Variants in PRKCZ observed in about 807,000 individuals in gnomAD.
PRKCZ encodes the protein protein kinase C zeta type.
Under a neutral mutation model 79.5 loss-of-function variants are expected in PRKCZ, and 33 were observed. That is an observed-to-expected ratio of 0.41 (90% CI 0.31 to 0.55). The LOEUF (loss-of-function observed/expected upper bound fraction) is 0.55. PRKCZ is among the 20% of genes least tolerant of loss of function. The probability of loss-of-function intolerance (pLI) is 0.19; values close to 1 mark genes in which losing one functional copy is unlikely to be tolerated. For missense variants in PRKCZ, 578 were observed against 813.5 expected, an observed-to-expected ratio of 0.71 and a Z score of 3.52; for synonymous variants, 342 against 320.9, an observed-to-expected ratio of 1.07 and a Z score of -0.70.
chr1:2,088,324 G>T (rs547634454), intron 4 of PRKCZ, among the ~76,000 whole-genome samples: 1 of 152,066 alleles, frequency 6.6e-6, no homozygotes, highest in East Asian at 1.9e-4. Flanking sequence ...CCCTCCCTCC[G>T]CCTCCCTGTT....
At chr1:2,067,708 C>T (rs757016004) in intron 4 of PRKCZ, among the ~76,000 whole-genome samples, 5 of 152,324 alleles carry the variant, frequency 3.3e-5, no homozygotes, top group African/African-American at 1.2e-4. Flanking sequence ...CTTCACTGTC[C>T]GTTCACTGCA....
At chr1:2,138,216 CT>C (rs1178611547) in intron 5 of PRKCZ, among the ~76,000 whole-genome samples, 2 of 152,210 alleles carry the variant, frequency 1.3e-5, no homozygotes, top group Non-Finnish European at 2.9e-5. Context: ...AGAAGAGAGA[CT>C]TTTCCGTCCT....
rs762300738 is a variant in PRKCZ, at chr1:2,082,269, G to A, written c.334+22678G>A. 1.4e-4 allele frequency: 58 copies of A among 417,798 alleles called. No homozygotes were observed. Among genetic ancestry groups the A allele is most frequent in the Non-Finnish European group, 1.9e-4 (39 of 208,430 alleles). 25.9% of individuals were successfully genotyped at this position (417,798 alleles called of 1,614,324 possible). On this transcript the variant is annotated intron_variant, in intron 4 of 17. Transcript: ENST00000378567. This position sits in a 1 kb window ranked among gnomAD's most constrained non-coding sequence, Gnocchi z 4.4. The stretch of plus-strand genomic sequence containing the variant: ...GTGTATTTGGCAAGAGGGAGGCTCC[G>A]TGGCACGATCACACGTGCAGGAGCT...
intron 10 of PRKCZ, among the ~76,000 whole-genome samples, chr1:2,164,014 A>G (rs1175470449): frequency 6.6e-6 from 1 of 152,218 alleles, no homozygotes; most frequent in Non-Finnish European, 1.5e-5. Flanking sequence ...GAATGGTGTC[A>G]TCGTAATGTA....
At chr1:2,079,245 TGTG>T (rs1336040972) in intron 4 of PRKCZ, among the ~76,000 whole-genome samples, 4 of 152,244 alleles carry the variant, frequency 2.6e-5, no homozygotes, top group African/African-American at 9.6e-5. Flanking sequence ...CGCGGTATCA[TGTG>T]GTGATTGAGC....
intron 4 of PRKCZ, among the ~76,000 whole-genome samples, chr1:2,084,350 C>T (rs1327380075): frequency 1.3e-5 from 2 of 152,172 alleles, no homozygotes; most frequent in Non-Finnish European, 2.9e-5. Flanking sequence ...CTCATGAGGG[C>T]GAGTGTGAAG....
chr1:2,126,622 T>G (rs1407718024), intron 4 of PRKCZ, among the ~76,000 whole-genome samples: 1 of 151,976 alleles, frequency 6.6e-6, no homozygotes, highest in Admixed American at 6.5e-5. Flanking sequence ...AAGCCCAAGG[T>G]CTTGGGGCAT....
chr1:2,059,182 A>C (rs1244716062), intron 3 of PRKCZ, among the ~76,000 whole-genome samples: 2 of 152,238 alleles, frequency 1.3e-5, no homozygotes, highest in Non-Finnish European at 2.9e-5. Flanking sequence ...CTCTGTCTTG[A>C]GTATGAAGAA....
Position 2,121,731 on chromosome 1 carries a change from C to CGGCGGTGGTTAGGGTCACGGCGGTGG in PRKCZ, c.335-13531_335-13530insGGCGGTGGTTAGGGTCACGGCGGTGG, listed in dbSNP as rs1672086707. On this transcript the variant is annotated intron_variant, in intron 4 of 17. Transcript: ENST00000378567. ...GGTGGTAGTTAGGGTCACGGCGGTA[C>CGGCGGTGGTTAGGGTCACGGCGGTGG]TTAGGGTCACGGCGGTGGTTAGGGT... is the stretch of plus-strand genomic sequence containing the variant. 2.4e-3 allele frequency among the ~76,000 whole-genome samples: 2 copies of CGGCGGTGGTTAGGGTCACGGCGGTGG among 832 alleles called. 1 individual carries two copies. The highest frequency in any genetic ancestry group is 6.5e-3 in the African/African-American group (2 of 310). The allele number at this position is 832 out of a possible 152,430, so 0.5% of individuals were successfully genotyped here.
At chr1:2,074,688 G>T in intron 4 of PRKCZ, 1 of 279,900 alleles carries the variant, frequency 3.6e-6, no homozygotes, top group Admixed American at 4.8e-5. Context: ...TAATGTGCAC[G>T]GCTCACTCCA....
At chr1:2,143,498 G>A (rs1677832264) in intron 5 of PRKCZ, 1 of 152,230 alleles carries the variant, frequency 6.6e-6, no homozygotes, top group Non-Finnish European at 1.5e-5. Context: ...TTACTCCCAG[G>A]AACACTTTGG....
intron 4 of PRKCZ, chr1:2,074,400 G>A: frequency 2.2e-6 from 3 of 1,344,568 alleles, no homozygotes; most frequent in South Asian, 1.3e-5. Flanking sequence ...GCTGTTGGGA[G>A]TTTCACTGTG....
chr1:2,081,281 G>T (rs1307842250), intron 4 of PRKCZ, among the ~76,000 whole-genome samples: 11 of 149,806 alleles, frequency 7.3e-5, no homozygotes, highest in Admixed American at 6.6e-4. Flanking sequence ...TTATTGCTCA[G>T]ATTGTTCCAG....
intron 1 of PRKCZ, among the ~76,000 whole-genome samples, chr1:2,055,127 A>G (rs531865255): frequency 2.0e-5 from 3 of 151,950 alleles, no homozygotes; most frequent in Non-Finnish European, 4.4e-5. Context: ...TATTTTTAGT[A>G]GAGACGGGGT....
At chr1:2,120,867 G>A (rs1671753393) in intron 4 of PRKCZ, among the ~76,000 whole-genome samples, 2 of 140,798 alleles carry the variant, frequency 1.4e-5, no homozygotes, top group South Asian at 4.4e-4. Flanking sequence ...GCCCAGGATG[G>A]CAATGGCACG....
chr1:2,095,309 C>T (rs946041455), intron 4 of PRKCZ, among the ~76,000 whole-genome samples: 4 of 152,128 alleles, frequency 2.6e-5, no homozygotes, highest in Admixed American at 6.5e-5. Flanking sequence ...CTGAGCTCAC[C>T]ATGGTTTTGG....
intron 4 of PRKCZ, among the ~76,000 whole-genome samples, chr1:2,062,578 C>G (rs549686196): frequency 5.9e-4 from 89 of 151,502 alleles, no homozygotes; most frequent in Non-Finnish European, 1.1e-3. Context: ...ACTACTCTGC[C>G]TCTCAGGCTC....
chr1:2,056,732 T>G (rs1660200324), intron 3 of PRKCZ, among the ~76,000 whole-genome samples, 159 bp downstream of exon 3: 1 of 149,820 alleles, frequency 6.7e-6, no homozygotes, highest in African/African-American at 2.4e-5. Context: ...TCTTTGACTT[T>G]TTTTTTTTTT....
chr1:2,085,589 T>C (rs57169446), intron 4 of PRKCZ, among the ~76,000 whole-genome samples: 4,860 of 151,066 alleles, frequency 0.032, 132 homozygotes, highest in Middle Eastern at 0.11. Context: ...GGGCTGAGGA[T>C]ATGGGGGGCC....
Sources: allele counts gnomAD v4.1 joint callset (sites outside exome capture counted in the v4.1 genomes callset), GRCh38; gene constraint gnomAD v4.1.1; non-coding constraint Gnocchi (gnomAD v3.1); transcripts MANE v1.5; gene names NCBI Gene and HGNC (gene_info 2026-07-23, HGNC 2026-07-21).